The following VPS8 variants were observed in gnomAD, a reference collection of about 807,000 sequenced individuals.
The protein encoded by VPS8 is vacuolar protein sorting-associated protein 8 homolog.
A neutral mutation model predicts 216.4 loss-of-function variants in VPS8; 129 were observed. The observed-to-expected ratio is 0.60, with a 90% CI of 0.52 to 0.69. VPS8 has a LOEUF of 0.69. Ranked by LOEUF, VPS8 falls within the 30% of genes least tolerant of loss-of-function variation. The probability of loss-of-function intolerance (pLI) is 0.00; values close to 1 mark genes in which losing one functional copy is unlikely to be tolerated. For synonymous variants in VPS8, 571 were observed against 565.4 expected (o/e 1.01, Z -0.14); for missense variants, 1,531 against 1,683.5 (o/e 0.91, Z 1.59).
At chr3:184,993,360 T>TG (rs887713904) in intron 42 of VPS8, among the ~76,000 whole-genome samples, 39 of 151,408 alleles carry the variant, frequency 2.6e-4, no homozygotes, top group East Asian at 1.9e-3. Context: ...TTTTGTTTTT[T>TG]GGGTTTTTTT....
chr3:184,858,381 T>TG (rs1366764205), intron 14 of VPS8, among the ~76,000 whole-genome samples: 1 of 152,216 alleles, frequency 6.6e-6, no homozygotes, highest in East Asian at 1.9e-4. Context: ...AGCTTCATCT[T>TG]GTTCAAGATA....
intron 34 of VPS8, among the ~76,000 whole-genome samples, chr3:184,934,259 C>T (rs11719840): frequency 0.49 from 74,577 of 151,946 alleles, 19,348 homozygotes; most frequent in Middle Eastern, 0.62. Flanking sequence ...CAACCTCAGC[C>T]TCCTGGGTTC....
chr3:184,833,974 T>G (rs1450702320), intron 4 of VPS8, among the ~76,000 whole-genome samples: 4 of 152,198 alleles, frequency 2.6e-5, no homozygotes, highest in Non-Finnish European at 5.9e-5. Context: ...ACTTTCTTAT[T>G]TTTGTATTCC....
intron 25 of VPS8, among the ~76,000 whole-genome samples, chr3:184,902,195 T>C (rs1578160325): frequency 6.7e-6 from 1 of 149,148 alleles, no homozygotes; most frequent in Middle Eastern, 3.4e-3. Context: ...GTTCCCAAGC[T>C]GGCCAGGCAT....
chr3:185,018,279 C>T (rs115248437), intron 45 of VPS8, among the ~76,000 whole-genome samples: 2,768 of 152,352 alleles, frequency 0.018, 92 homozygotes, highest in African/African-American at 0.063. Flanking sequence ...TTTTAAGAGA[C>T]TCCTGTAACC....
chr3:184,859,863 G>T, intron 14 of VPS8, 122 bp from the exon 15 acceptor site: 10 of 588,040 alleles, frequency 1.7e-5, no homozygotes, highest in East Asian at 6.0e-5. Context: ...CAGTATTTTT[G>T]GCTTATCTAC....
chr3:184,914,186 A>C (rs1412780589), intron 26 of VPS8, among the ~76,000 whole-genome samples: 1 of 152,204 alleles, frequency 6.6e-6, no homozygotes, highest in African/African-American at 2.4e-5. Context: ...CTAATGTCAG[A>C]GTTAACTTTG....
rs748019107 is a variant in VPS8, at chr3:184,920,152, A to G, written c.2408A>G (p.Lys803Arg). The G allele has an allele frequency of 2.6e-6, 4 of 1,525,552 alleles. No homozygotes were observed. The South Asian group carries it at 3.9e-5, about 15-fold the overall frequency. 94.5% of individuals were successfully genotyped at this position (1,525,552 alleles called of 1,614,324 possible). Residue 803 changes from lysine to arginine, a missense_variant, in exon 29 of 48, where the codon AAG becomes AGG. Lys to Arg is a conservative substitution (Grantham distance 26). Transcript: ENST00000625842. Reference protein sequence around the residue: ...ALTFEDFKNDKQAVEYQQRIV... With the variant: ...ALTFEDFKNDRQAVEYQQRIV... The stretch of plus-strand genomic sequence containing the variant: ...ACTTTTGAAGATTTTAAAAATGACA[A>G]GCAAGCTGTGGAATATCAACAGCGA...
At chr3:185,017,051 A>G (rs761526652) in intron 45 of VPS8, among the ~76,000 whole-genome samples, 3 of 151,912 alleles carry the variant, frequency 2.0e-5, no homozygotes, top group Non-Finnish European at 4.4e-5. Context: ...CATGCATCAT[A>G]TGTTGCCTTT....
At chr3:184,914,937 C>A in intron 26 of VPS8, 44 bp from the exon 27 acceptor site, 1 of 1,556,646 alleles carries the variant, frequency 6.4e-7, no homozygotes, top group Non-Finnish European at 8.9e-7. Flanking sequence ...TGAAAGTTAT[C>A]CCCTTTACAA....
At chr3:184,946,933 G>T (rs1404918161) in intron 36 of VPS8, among the ~76,000 whole-genome samples, 2 of 152,062 alleles carry the variant, frequency 1.3e-5, no homozygotes, top group African/African-American at 2.4e-5. Context: ...ATTAATGTGT[G>T]ATGTACCCAT....
At chr3:184,994,907 T>C (rs748126376) in intron 43 of VPS8, among the ~76,000 whole-genome samples, 6 of 152,208 alleles carry the variant, frequency 3.9e-5, no homozygotes, top group Non-Finnish European at 8.8e-5. Flanking sequence ...GTGAAAGGCA[T>C]GTCTCACATG....
intron 40 of VPS8, among the ~76,000 whole-genome samples, chr3:184,979,137 GT>G (rs1314757926): frequency 2.0e-5 from 3 of 151,702 alleles, no homozygotes; most frequent in East Asian, 3.9e-4. Context: ...ACTGATTTCT[GT>G]TTTTTTAATG....
rs1350103811 is a variant in VPS8 at position 184,837,847 on chromosome 3, A to G, written c.448-867A>G. Among the ~76,000 whole-genome samples, 4 of 152,238 alleles carry G rather than the reference A, an allele frequency of 2.6e-5. No individual in the cohort carries two copies. The East Asian group carries it at 7.7e-4, about 29-fold the overall frequency. ...GCCACTTACCAAGTACCCTTTGTCAAGTCAGTTAAACTCTTGGAAATGTCT... is the reference window on the plus strand; with the variant it reads ...GCCACTTACCAAGTACCCTTTGTCAGGTCAGTTAAACTCTTGGAAATGTCT... On this transcript the variant is annotated intron_variant, in intron 5 of 47. Transcript: ENST00000625842.
chr3:184,848,594 T>C (rs922068787), intron 8 of VPS8, among the ~76,000 whole-genome samples: 2 of 140,118 alleles, frequency 1.4e-5, no homozygotes, highest in Non-Finnish European at 3.1e-5. Context: ...TTTGAGACCA[T>C]GTCTCACTCT....
chr3:184,964,860 T>C (rs933040207), intron 38 of VPS8, among the ~76,000 whole-genome samples: 3 of 152,214 alleles, frequency 2.0e-5, no homozygotes, highest in African/African-American at 4.8e-5. Flanking sequence ...CTGGGCTGCT[T>C]TACCTTTTGG....
intron 36 of VPS8, among the ~76,000 whole-genome samples, chr3:184,941,880 A>T (rs1333278571): frequency 6.6e-6 from 1 of 151,954 alleles, no homozygotes; most frequent in Non-Finnish European, 1.5e-5. Context: ...GTGGAAAGTG[A>T]TGGTGACCAA....
chr3:184,941,895 AT>A, intron 36 of VPS8, among the ~76,000 whole-genome samples: 1 of 151,016 alleles, frequency 6.6e-6, no homozygotes, highest in Non-Finnish European at 1.5e-5. Context: ...GACCAAGTAT[AT>A]TTTTTTATTT....
intron 46 of VPS8, among the ~76,000 whole-genome samples, chr3:185,031,072 T>TTTG (rs1758076965): frequency 7.0e-6 from 1 of 142,852 alleles, no homozygotes; most frequent in African/African-American, 2.7e-5. Flanking sequence ...CGTTTTTTTT[T>TTTG]TTTTTTTTTT....
Sources: gnomAD v4.1 joint callset for allele counts (sites outside exome capture counted in the v4.1 genomes callset) on GRCh38, gnomAD v4.1.1 for gene constraint, MANE v1.5 for transcripts, NCBI Gene and HGNC (gene_info 2026-07-23, HGNC 2026-07-21) for gene names.